The following SPTB variants were observed in gnomAD, a reference collection of about 807,000 sequenced individuals.
SPTB encodes the protein spectrin beta chain, erythrocytic.
Under a neutral mutation model 256.2 loss-of-function variants are expected in SPTB, and 45 were observed. The observed-to-expected ratio is 0.18, with a 90% CI of 0.14 to 0.23. The LOEUF is 0.23. SPTB is among the 10% of genes least tolerant of loss of function. SPTB has a pLI of 1.00. For synonymous variants in SPTB, 1,231 were observed against 1,243.1 expected, an observed-to-expected ratio of 0.99 and a Z score of 0.21; for missense variants, 2,715 against 3,040.4, an observed-to-expected ratio of 0.89 and a Z score of 2.52.
intron 1 of SPTB, among the ~76,000 whole-genome samples, chr14:64,878,192 A>G (rs1241162668): frequency 2.6e-5 from 4 of 152,180 alleles, no homozygotes; most frequent in African/African-American, 9.7e-5. Flanking sequence ...ATGTCTTTCA[A>G]TGGTGCTTTA....
In SPTB at chr14:64,796,323, G is replaced by A. The variant is rs1738530977; in HGVS notation, c.1341+234C>T. Among the ~76,000 whole-genome samples the A allele has an allele frequency of 6.6e-6, 1 of 152,110 alleles. No homozygotes were observed. The highest frequency in any genetic ancestry group is 2.4e-5 in the African/African-American group (1 of 41,412). The stretch of plus-strand genomic sequence containing the variant: ...TAGTTGACACTACAGGCCCACATAA[G>A]ACAACTTCAGCGGCCAGTTCTAGAC... On this transcript the variant is annotated intron_variant, in intron 11 of 35. Transcript: ENST00000644917. The surrounding 1 kb of genome is among the most constrained non-coding windows in gnomAD (Gnocchi z 4.1).
chr14:64,797,933 T>C lies in SPTB; in HGVS notation c.1065-87A>G, dbSNP rs538283723. The C allele has an allele frequency of 3.4e-4, 304 of 900,958 alleles. 1 individual carries two copies. In the African/African-American group the frequency reaches 4.0e-3, roughly 12 times the overall value. 55.8% of individuals were successfully genotyped at this position (900,958 alleles called of 1,614,324 possible). The stretch of plus-strand genomic sequence containing the variant: ...AAAGTCAACACGGAACTGTGGCATC[T>C]TGAAGCGTAGATAGCAAAGCATATT... On this transcript the variant is annotated intron_variant, in intron 9 of 35. Transcript: ENST00000644917.
intron 33 of SPTB, 158 bp from the exon 34 acceptor site, chr14:64,750,312 C>CA (rs1555364782): frequency 8.6e-6 from 7 of 812,524 alleles, no homozygotes; most frequent in East Asian, 5.7e-5. Flanking sequence ...AATTTCATTA[C>CA]AAAAAATTAG....
intron 9 of SPTB, among the ~76,000 whole-genome samples, chr14:64,798,253 TTAAG>T (rs1459009311): frequency 6.6e-6 from 1 of 152,194 alleles, no homozygotes; most frequent in African/African-American, 2.4e-5. Flanking sequence ...CAGTTCCTTA[TTAAG>T]TGAGTCAATA....
chr14:64,787,010 C>T lies in SPTB; in HGVS notation c.2955G>A (p.Arg985=). 2 of 1,614,170 alleles carry T rather than the reference C, an allele frequency of 1.2e-6. No homozygotes were observed. Among genetic ancestry groups the T allele is most frequent in the South Asian group, 1.1e-5 (1 of 91,080 alleles). The change falls in exon 16 of 36, where the codon CGG becomes CGA. Residue 985 remains arginine, a synonymous_variant. Transcript: ENST00000644917. The part of the protein sequence containing the change: ...KVVESTKDLG[R]DLAGIIAIQR... ...GGATGGCGATGATACCTGCCAGGTC[C>T]CGCCCCAGGTCTTTTGTGGACTCCA...
chr14:64,752,248 ACTCTGTTTC>A, intron 33 of SPTB: 1 of 1,347,208 alleles, frequency 7.4e-7, no homozygotes, highest in Non-Finnish European at 9.8e-7. Context: ...ACAGCAACAG[ACTCTGTTTC>A]CTCCTCCTCT....
chr14:64,779,395 T>C lies in SPTB; in HGVS notation c.4474-149A>G, dbSNP rs1360880317. The stretch of plus-strand genomic sequence containing the variant: ...AGGGTTTTGCCCCCATTTTATAGGT[T>C]AGAATATTTGGGGATTTTGAACTGA... On this transcript the variant is annotated intron_variant, in intron 21 of 35. Coordinates refer to ENST00000644917, the MANE Select transcript of SPTB (RefSeq NM_001355436.2). The surrounding 1 kb of genome is among the most constrained non-coding windows in gnomAD (Gnocchi z 4.2). The C allele has an allele frequency of 6.7e-6, 5 of 746,726 alleles. No homozygotes were observed. The South Asian group carries it at 7.7e-5, about 12-fold the overall frequency. 46.3% of individuals were successfully genotyped at this position (746,726 alleles called of 1,614,324 possible).
At position 64,845,937 on chromosome 14, in the gene SPTB, T is replaced by TA. The variant is rs1272740320; in HGVS notation, c.-51-22793dup. ...CTCTACATTTTATGCATAAAGTAGG[T>TA]AGAGTATGGAGTTCAGATGAAATTT... On this transcript the variant is annotated intron_variant, in intron 1 of 35. Coordinates refer to ENST00000644917, the MANE Select transcript of SPTB (RefSeq NM_001355436.2). This position sits in a 1 kb window ranked among gnomAD's most constrained non-coding sequence, Gnocchi z 4.8. Among the ~76,000 whole-genome samples the TA allele has an allele frequency of 2.0e-5, 3 of 152,162 alleles. No individual in the cohort carries two copies. The highest frequency in any genetic ancestry group is 7.2e-5 in the African/African-American group (3 of 41,418).
rs1346946269 is a variant in SPTB at position 64,747,635 on chromosome 14, CA to C, written c.*1670del. On this transcript the variant is annotated 3_prime_UTR_variant, in exon 36 of 36. Transcript: ENST00000644917. The stretch of plus-strand genomic sequence containing the variant: ...GCACTGGTCAGCACTCAGGGTTCCT[CA>C]GGGGGCCTCATTCTGGATGCCTGCC... 6 of 152,292 alleles carry C rather than the reference CA, an allele frequency of 3.9e-5. No individual in the cohort carries two copies. Among genetic ancestry groups the C allele is most frequent in the Non-Finnish European group, 8.8e-5 (6 of 68,108 alleles). 9.4% of individuals were successfully genotyped at this position (152,292 alleles called of 1,614,324 possible).
intron 2 of SPTB, among the ~76,000 whole-genome samples, chr14:64,820,238 T>C (rs1289664541): frequency 6.6e-6 from 1 of 152,162 alleles, no homozygotes; most frequent in Non-Finnish European, 1.5e-5. Context: ...CACCCCTGCC[T>C]AGGCTGCTAA....
At chr14:64,799,427 AGAG>A (rs371356373) in intron 9 of SPTB, among the ~76,000 whole-genome samples, 31 of 152,340 alleles carry the variant, frequency 2.0e-4, no homozygotes, top group African/African-American at 5.8e-4. Flanking sequence ...GGCAGACCAG[AGAG>A]GAGCTTTCCA....
At position 64,779,055 on chromosome 14, in the gene SPTB, G is replaced by T. The variant is rs1034671513; in HGVS notation, c.4563+102C>A. Reference sequence around the variant, plus strand: ...AAGCTACCAACAAGAACAATAATCTGCTGTTGCTAGCCTTCTGCAGGTCAG... The same window carrying T: ...AAGCTACCAACAAGAACAATAATCTTCTGTTGCTAGCCTTCTGCAGGTCAG... On this transcript the variant is annotated intron_variant, in intron 22 of 35. Coordinates refer to ENST00000644917, the MANE Select transcript of SPTB (RefSeq NM_001355436.2). The surrounding 1 kb of genome is among the most constrained non-coding windows in gnomAD (Gnocchi z 4.2). 4.8e-6 allele frequency: 4 copies of T among 841,200 alleles called. No homozygotes were observed. Among genetic ancestry groups the T allele is most frequent in the Non-Finnish European group, 7.9e-6 (4 of 503,816 alleles). The allele number at this position is 841,200 out of a possible 1,614,324, so 52.1% of individuals were successfully genotyped here.
intron 1 of SPTB, among the ~76,000 whole-genome samples, chr14:64,865,690 C>T (rs1178269506): frequency 6.6e-6 from 1 of 152,186 alleles, no homozygotes; most frequent in Non-Finnish European, 1.5e-5. Flanking sequence ...ATGGAGTGCT[C>T]TTTCAGTCTC....
rs1031013483 is a variant in SPTB at position 64,823,403 on chromosome 14, T to C, written c.-51-258A>G. On this transcript the variant is annotated intron_variant, in intron 1 of 35. Coordinates refer to ENST00000644917, the MANE Select transcript of SPTB (RefSeq NM_001355436.2). This position sits in a 1 kb window ranked among gnomAD's most constrained non-coding sequence, Gnocchi z 6.5. ...AGCAAGGGTCAGGACGGCCAGCAGG[T>C]GGAGACGTCAGTCGCAGCCAGCTGC... is the stretch of plus-strand genomic sequence containing the variant. 2.0e-5 allele frequency among the ~76,000 whole-genome samples: 3 copies of C among 152,036 alleles called. No individual in the cohort carries two copies. The highest frequency in any genetic ancestry group is 7.2e-5 in the African/African-American group (3 of 41,382).
rs74863513 is a variant in SPTB, at chr14:64,841,600, T to C, written c.-51-18455A>G. 0.015 allele frequency among the ~76,000 whole-genome samples: 2,281 copies of C among 152,138 alleles called. 68 individuals are homozygous for C. Among genetic ancestry groups the C allele is most frequent in the African/African-American group, 0.053 (2,192 of 41,450 alleles). On this transcript the variant is annotated intron_variant, in intron 1 of 35. Transcript: ENST00000644917. The surrounding 1 kb of genome is among the most constrained non-coding windows in gnomAD (Gnocchi z 4.6). The stretch of plus-strand genomic sequence containing the variant: ...GTCAGATCCACATTTCTTGTGAGGA[T>C]TGCCAAGCACTTTTTCCCCCAAATC...
chr14:64,749,097 G>A lies in SPTB; in HGVS notation c.*209C>T, dbSNP rs543839169. ...AGCTGGGAGCCCCTGTCCCTGGAGC[G>A]GAGCCAGCGCGGGCGAGGGCATGGA... On this transcript the variant is annotated 3_prime_UTR_variant, in exon 36 of 36. Coordinates refer to ENST00000644917, the MANE Select transcript of SPTB (RefSeq NM_001355436.2). This position sits in a 1 kb window ranked among gnomAD's most constrained non-coding sequence, Gnocchi z 4.7. 5.0e-5 allele frequency: 26 copies of A among 515,602 alleles called. No individual in the cohort carries two copies. Among genetic ancestry groups the A allele is most frequent in the South Asian group, 2.2e-4 (10 of 45,862 alleles). 31.9% of individuals were successfully genotyped at this position (515,602 alleles called of 1,614,324 possible).
rs2082266682 is a variant in SPTB at position 64,770,689 on chromosome 14, G to A, written c.5798+196C>T. On this transcript the variant is annotated intron_variant, in intron 27 of 35. Transcript: ENST00000644917. ...GGACTCTCCTGACTCTGGAGCGATT[G>A]GTCCTCCCAGTGGAAGCTGACCCAG... is the stretch of plus-strand genomic sequence containing the variant. 2.0e-5 allele frequency among the ~76,000 whole-genome samples: 3 copies of A among 152,166 alleles called. No individual in the cohort carries two copies. The South Asian group carries it at 6.2e-4, about 32-fold the overall frequency.
chr14:64,774,345 C>T (rs1042181595), intron 24 of SPTB, 52 bp downstream of exon 24: 4 of 1,552,728 alleles, frequency 2.6e-6, no homozygotes, highest in Non-Finnish European at 3.5e-6. Flanking sequence ...GCTGGTGGGC[C>T]CCTGGCTCAA....
At chr14:64,800,466 C>T (rs764015704) in intron 8 of SPTB, among the ~76,000 whole-genome samples, 4 of 152,172 alleles carry the variant, frequency 2.6e-5, no homozygotes, top group Admixed American at 6.5e-5. Flanking sequence ...AAACAAACCA[C>T]ATAAAAGCCT....
Sources: allele counts gnomAD v4.1 joint callset (sites outside exome capture counted in the v4.1 genomes callset), GRCh38; gene constraint gnomAD v4.1.1; non-coding constraint Gnocchi (gnomAD v3.1); transcripts MANE v1.5; gene names NCBI Gene and HGNC (gene_info 2026-07-23, HGNC 2026-07-21).